ZNF814: variants seen among roughly 807,000 people sequenced by gnomAD.
ZNF814 encodes zinc finger protein 814.
A neutral mutation model predicts 7.5 loss-of-function variants in ZNF814; 5 were observed. That is an observed-to-expected ratio of 0.67 (90% CI 0.35 to 1.40). The LOEUF (loss-of-function observed/expected upper bound fraction) is 1.40. Among genes scored for constraint, ZNF814 ranks in the 40% most tolerant of loss-of-function variants. The pLI, the probability that ZNF814 is intolerant of heterozygous loss-of-function variation, is 0.04. For missense variants in ZNF814, 962 were observed against 1,018.0 expected, an observed-to-expected ratio of 0.94 and a Z score of 0.75; for synonymous variants, 315 against 340.7, an observed-to-expected ratio of 0.92 and a Z score of 0.83.
chr19:57,875,770 AAAAG>A (rs869191514), intron 2 of ZNF814, among the ~76,000 whole-genome samples: 16 of 152,112 alleles, frequency 1.1e-4, no homozygotes, highest in South Asian at 2.1e-4. Flanking sequence ...CAAAAGTTAA[AAAAG>A]AAAGAGTAGA....
chr19:57,878,166 C>CA (rs60614715), intron 1 of ZNF814, among the ~76,000 whole-genome samples: 2,263 of 88,280 alleles, frequency 0.026, 67 homozygotes, highest in African/African-American at 0.078. Context: ...AACTCTGTCT[C>CA]AAAAAAAAAA....
chr19:57,873,447 C>A lies in ZNF814; in HGVS notation c.1943G>T (p.Arg648Met). 6.2e-7 allele frequency: 1 copy of A among 1,613,836 alleles called. No homozygotes were observed. Among genetic ancestry groups the A allele is most frequent in the Non-Finnish European group, 8.5e-7 (1 of 1,179,940 alleles). Residue 648 changes from arginine (R) to methionine (M), a missense_variant, in exon 3 of 3, where the codon AGG (arginine) becomes ATG (methionine). Physicochemically the swap from Arg to Met is moderately conservative, Grantham distance 91. Transcript: ENST00000435989. ...GKSFNEKGHL[R>M]NHQRVHTTER... ...TGTAGTGTGAACTCGCTGATGATTC[C>A]TAAGGTGTCCTTTTTCATTAAAAGA...
chr19:57,901,827 T>C, the ZNF814 span: 1 of 398,138 alleles, frequency 2.5e-6, no homozygotes, highest in Non-Finnish European at 4.4e-6. Flanking sequence ...AAATTTTACT[T>C]ATTGGACTTA....
chr19:57,872,487 G>A lies in ZNF814; in HGVS notation c.*335C>T. 1 of 481,396 alleles carries A rather than the reference G, an allele frequency of 2.1e-6. No homozygotes were observed. The highest frequency in any genetic ancestry group is 3.6e-6 in the Non-Finnish European group (1 of 275,400). 29.8% of individuals were successfully genotyped at this position (481,396 alleles called of 1,614,324 possible). A position where few individuals can be genotyped will look rare whatever the true frequency, so the allele number is the denominator to read the frequency against. On this transcript the variant is annotated 3_prime_UTR_variant, in exon 3 of 3. Coordinates refer to ENST00000435989, the MANE Select transcript of ZNF814 (RefSeq NM_001144989.2). ...GGTGTGGCTACAAAATTGCCCAAAT[G>A]TATTTTATTTGTCTAGTGTGAACTC...
the ZNF814 span, chr19:57,900,417 G>T: frequency 6.6e-6 from 1 of 152,148 alleles, no homozygotes; most frequent in Non-Finnish European, 1.5e-5. Context: ...TAATCAAAGG[G>T]CGGATGCACT....
chr19:57,890,491 G>A (rs1231969008), upstream of ZNF814, among the ~76,000 whole-genome samples: 4 of 152,040 alleles, frequency 2.6e-5, no homozygotes, highest in Admixed American at 1.3e-4. Flanking sequence ...TAGATAGGGG[G>A]CCATGAATTG....
At chr19:57,895,270 C>G in the ZNF814 span, among the ~76,000 whole-genome samples, 6 of 150,860 alleles carry the variant, frequency 4.0e-5, no homozygotes, top group Non-Finnish European at 4.4e-5. Flanking sequence ...CTTTTCTTTT[C>G]TTTTCTTTCT....
chr19:57,888,119 G>A (rs1415616519), intron 1 of ZNF814, among the ~76,000 whole-genome samples: 1 of 152,188 alleles, frequency 6.6e-6, no homozygotes, highest in African/African-American at 2.4e-5. Flanking sequence ...TCGTCTCAAA[G>A]TGTGGCGTTT....
chr19:57,876,757 G>A, intron 2 of ZNF814, 159 bp downstream of exon 2: 2 of 1,204,838 alleles, frequency 1.7e-6, no homozygotes, highest in Non-Finnish European at 2.3e-6. Flanking sequence ...AAGGAGTAGG[G>A]CAGTATGTAC....
At position 57,873,013 on chromosome 19, in the gene ZNF814, C is replaced by T. The variant is rs755017785; in HGVS notation, c.2377G>A (p.Val793Ile). ...TCATAAGGCTTTTCTCCAGTGTGAA[C>T]TCTTTTGTGTTTTGTGAAACTGGAG... ...ESSSFTKHKR[V>I]HTGEKPYECS... is the part of the protein sequence containing the mutation. The change falls in exon 3 of 3, where the codon GTT becomes ATT. Residue 793 changes from valine to isoleucine, a missense_variant. Val to Ile is a conservative substitution (Grantham distance 29). Coordinates refer to ENST00000435989, the MANE Select transcript of ZNF814 (RefSeq NM_001144989.2). The T allele has an allele frequency of 4.1e-5, 66 of 1,612,876 alleles. No individual in the cohort carries two copies. The highest frequency in any genetic ancestry group is 1.0e-4 in the Admixed American group (6 of 59,898).
rs1434705942 is a variant in ZNF814 at position 57,873,322 on chromosome 19, A to T, written c.2068T>A (p.Cys690Ser). 2 of 1,589,972 alleles carry T rather than the reference A, an allele frequency of 1.3e-6. No homozygotes were observed. Among genetic ancestry groups the T allele is most frequent in the African/African-American group, 2.7e-5 (2 of 74,080 alleles). Residue 690 changes from cysteine to serine, a missense_variant, in exon 3 of 3, where the codon TGT becomes AGT. Physicochemically the swap from Cys to Ser is moderately radical, Grantham distance 112 (BLOSUM62 -1). Around this residue, in one of 7 missense-constraint regions of ZNF814, gnomAD observed 665 missense variants for 551.4 expected, o/e 1.21. Transcript: ENST00000435989. ...TTAAATAATTTTCCACATTCCCTAC[A>T]TACATAAGGTCTTTCTCCAGTATGG... The part of the protein sequence containing the change: ...HGHTGERPYV[C>S]RECGKLFKKK...
Position 57,872,616 on chromosome 19 carries a change from G to A in ZNF814, c.*206C>T. On this transcript the variant is annotated 3_prime_UTR_variant, in exon 3 of 3. Transcript: ENST00000435989. ...GAACTCTCCTGTGTTTAATGAGACT[G>A]AAAGTTTCAGCAAAGGATTTCCCAC... The A allele has an allele frequency of 7.3e-7, 1 of 1,367,506 alleles. No homozygotes were observed. Among genetic ancestry groups the A allele is most frequent in the South Asian group, 1.3e-5 (1 of 76,112 alleles). The allele number at this position is 1,367,506 out of a possible 1,614,324, so 84.7% of individuals were successfully genotyped here.
At chr19:57,883,131 GGC>G (rs1249576593) in intron 1 of ZNF814, among the ~76,000 whole-genome samples, 72 of 149,136 alleles carry the variant, frequency 4.8e-4, no homozygotes, top group Middle Eastern at 8.2e-3. Flanking sequence ...GGCCGAGGCG[GGC>G]AGATCACAAA....
chr19:57,895,826 C>A, the ZNF814 span, among the ~76,000 whole-genome samples: 1 of 151,956 alleles, frequency 6.6e-6, no homozygotes, highest in Admixed American at 6.5e-5. Context: ...AGAGAGGGTT[C>A]TTTGGATCTC....
the ZNF814 span, among the ~76,000 whole-genome samples, chr19:57,896,459 C>T: frequency 6.6e-6 from 1 of 152,172 alleles, no homozygotes; most frequent in Non-Finnish European, 1.5e-5. The surrounding 1 kb of genome is among the most constrained non-coding windows in gnomAD (Gnocchi z 4.2). Context: ...AGTGAATGGC[C>T]ACCTCCTTTC....
At chr19:57,886,527 A>T (rs2071694990) in intron 1 of ZNF814, among the ~76,000 whole-genome samples, 2 of 152,044 alleles carry the variant, frequency 1.3e-5, no homozygotes, top group African/African-American at 4.8e-5. Context: ...AGAAAAAGAC[A>T]ATTTGTATTT....
the ZNF814 span, among the ~76,000 whole-genome samples, chr19:57,898,939 C>CA: frequency 0.18 from 16,519 of 91,504 alleles, 1,331 homozygotes; most frequent in East Asian, 0.4. Context: ...GACTCTGTCT[C>CA]AAAAAAAAAA....
chr19:57,884,014 C>T (rs2071669814), intron 1 of ZNF814, among the ~76,000 whole-genome samples: 1 of 152,152 alleles, frequency 6.6e-6, no homozygotes, highest in Non-Finnish European at 1.5e-5. Flanking sequence ...GCCTTGGCCT[C>T]CCAAAGTGCT....
the ZNF814 span, among the ~76,000 whole-genome samples, chr19:57,900,917 G>C: frequency 7.6e-6 from 1 of 131,506 alleles, no homozygotes; most frequent in Non-Finnish European, 1.5e-5. Context: ...ACCAATCTCG[G>C]TTCACTGCAA....
Sources: gnomAD v4.1 joint callset for allele counts (sites outside exome capture counted in the v4.1 genomes callset) on GRCh38, gnomAD v4.1.1 for gene constraint, gnomAD v4.1.1 regional missense constraint, Gnocchi (gnomAD v3.1) non-coding constraint, MANE v1.5 for transcripts, NCBI Gene and HGNC (gene_info 2026-07-23, HGNC 2026-07-21) for gene names.